The following EHD4 variants were observed in gnomAD, a reference collection of about 807,000 sequenced individuals.
EHD4 encodes the protein EH domain containing 4.
EHD4 carries 37 observed loss-of-function variants against 51.0 expected under a neutral mutation model. The observed-to-expected ratio is 0.73, with a 90% confidence interval of 0.56 to 0.95. EHD4 has a LOEUF of 0.95. Among genes scored for constraint, EHD4 ranks in the 40% least tolerant of loss-of-function variants. The pLI, the probability that EHD4 is intolerant of heterozygous loss-of-function variation, is 0.00. For missense variants in EHD4, 632 were observed against 733.1 expected, an observed-to-expected ratio of 0.86 and a Z score of 1.59; for synonymous variants, 297 against 317.3, an observed-to-expected ratio of 0.94 and a Z score of 0.68.
intron 2 of EHD4, among the ~76,000 whole-genome samples, chr15:41,949,051 T>TATATATATATATATACAC (rs1491135423): frequency 2.6e-4 from 28 of 109,418 alleles, no homozygotes; most frequent in African/African-American, 7.7e-4. Flanking sequence ...TATATATATA[T>TATATATATATATATACAC]ACACACATAC....
intron 2 of EHD4, among the ~76,000 whole-genome samples, chr15:41,945,393 C>T (rs879481724): frequency 7.2e-5 from 11 of 152,314 alleles, no homozygotes; most frequent in South Asian, 2.1e-4. Flanking sequence ...AGGCCAGGCA[C>T]GGGAGCCACA....
In EHD4 at chr15:41,900,652, G is replaced by A. The variant is rs2067469733; in HGVS notation, c.1619C>T (p.Ala540Val). 2 of 1,591,576 alleles carry A rather than the reference G, an allele frequency of 1.3e-6. No individual in the cohort carries two copies. The highest frequency in any genetic ancestry group is 1.3e-5 in the African/African-American group (1 of 74,776). ...PPSHRKSLPK[A>V]D is the part of the protein sequence containing the mutation. ...CGTTCTGCAGCCCACCCCTCAGTCGGCCTTGGGCAGGGACTTCCTGTGCGA... is the reference window on the plus strand; with the variant it reads ...CGTTCTGCAGCCCACCCCTCAGTCGACCTTGGGCAGGGACTTCCTGTGCGA... The change falls in exon 6 of 6, where the codon GCC becomes GTC. Residue 540 changes from alanine to valine, a missense_variant. Physicochemically the swap from Ala to Val is moderately conservative, Grantham distance 64. Transcript: ENST00000220325. This position sits in a 1 kb window ranked among gnomAD's most constrained non-coding sequence, Gnocchi z 4.8.
At chr15:41,905,152 G>A (rs1427773628) in intron 5 of EHD4, among the ~76,000 whole-genome samples, 1 of 152,220 alleles carries the variant, frequency 6.6e-6, no homozygotes, top group African/African-American at 2.4e-5. Flanking sequence ...GATGGGACAG[G>A]CCCTAACCCA....
chr15:41,914,436 A>G (rs1472194424), intron 4 of EHD4, among the ~76,000 whole-genome samples: 1 of 151,980 alleles, frequency 6.6e-6, no homozygotes, highest in Non-Finnish European at 1.5e-5. Context: ...AGAGTGTGAG[A>G]CTGTGAGAGG....
At chr15:41,954,126 T>G (rs193155238) in intron 1 of EHD4, among the ~76,000 whole-genome samples, 186 bp from the exon 2 acceptor site, 1 of 152,312 alleles carries the variant, frequency 6.6e-6, no homozygotes, top group Non-Finnish European at 1.5e-5. Context: ...AAGGGAAGTG[T>G]ACCGTGCTGG....
chr15:41,931,180 G>T lies in EHD4; in HGVS notation c.512-11558C>A, dbSNP rs937338102. Among the ~76,000 whole-genome samples, 19 of 152,250 alleles carry T rather than the reference G, an allele frequency of 1.2e-4. 2 individuals are homozygous for T. The highest frequency in any genetic ancestry group is 1.2e-3 in the Admixed American group (18 of 15,300). The stretch of plus-strand genomic sequence containing the variant: ...TTTTTTACATTGATAAAGAAAAATT[G>T]TATATATTTATCATGTCCAACATGT... On this transcript the variant is annotated intron_variant, in intron 3 of 5. Transcript: ENST00000220325.
At chr15:41,910,482 A>G (rs1465773811) in intron 4 of EHD4, among the ~76,000 whole-genome samples, 2 of 152,156 alleles carry the variant, frequency 1.3e-5, no homozygotes, top group East Asian at 3.9e-4. Context: ...CTGTCATTGG[A>G]GGGGCGAGAA....
At chr15:41,934,010 C>A (rs2067715238) in intron 3 of EHD4, among the ~76,000 whole-genome samples, 1 of 152,132 alleles carries the variant, frequency 6.6e-6, no homozygotes, top group African/African-American at 2.4e-5. Context: ...TGGTTAGTCA[C>A]AGAGCCTGCC....
Position 41,919,628 on chromosome 15 carries a change from T to G in EHD4, c.512-6A>C, listed in dbSNP as rs770284448. The stretch of plus-strand genomic sequence containing the variant: ...GACCTGGCAGAAGTCATAGCCTGGG[T>G]GGAGAGAAGGACACGTCAGTGTAGC... On this transcript the variant is annotated splice_region_variant and splice_polypyrimidine_tract_variant and intron_variant, in intron 3 of 5. Transcript: ENST00000220325. 6.6e-7 allele frequency: 1 copy of G among 1,508,968 alleles called. No homozygotes were observed. The highest frequency in any genetic ancestry group is 1.4e-5 in the South Asian group (1 of 72,906). The allele number at this position is 1,508,968 out of a possible 1,614,324, so 93.5% of individuals were successfully genotyped here.
intron 4 of EHD4, among the ~76,000 whole-genome samples, chr15:41,910,112 A>G (rs2140984712): frequency 7.0e-6 from 1 of 142,424 alleles, no homozygotes; most frequent in East Asian, 2.4e-4. Context: ...TGGTGTCTGT[A>G]GGGAGTGAGT....
rs1248947122 is a variant in EHD4, at chr15:41,917,443, T to C, written c.924+1767A>G. ...CTCCTTATTTATTTATATGACTGAA[T>C]ACAGCAGCATCTCCAGTCACTGGGT... On this transcript the variant is annotated intron_variant, in intron 4 of 5. Coordinates refer to ENST00000220325, the MANE Select transcript of EHD4 (RefSeq NM_139265.4). Among the ~76,000 whole-genome samples, 4 of 152,244 alleles carry C rather than the reference T, an allele frequency of 2.6e-5. No individual in the cohort carries two copies. In the South Asian group the frequency reaches 8.3e-4, roughly 32 times the overall value.
chr15:41,954,722 C>T (rs1467333513), intron 1 of EHD4, among the ~76,000 whole-genome samples: 1 of 152,138 alleles, frequency 6.6e-6, no homozygotes, highest in African/African-American at 2.4e-5. Flanking sequence ...ACTGCTGCCT[C>T]GACCTCCTGG....
intron 2 of EHD4, among the ~76,000 whole-genome samples, chr15:41,945,281 A>C (rs1388171593): frequency 6.6e-6 from 1 of 152,188 alleles, no homozygotes; most frequent in African/African-American, 2.4e-5. Context: ...CTAGATTCTC[A>C]GGTGAGGCTA....
At chr15:41,904,414 T>C (rs2140982137) in intron 5 of EHD4, among the ~76,000 whole-genome samples, 1 of 152,274 alleles carries the variant, frequency 6.6e-6, no homozygotes, top group African/African-American at 2.4e-5. Context: ...CATCATCATG[T>C]CACTCCTGAC....
At chr15:41,947,535 T>G (rs2067823735) in intron 2 of EHD4, among the ~76,000 whole-genome samples, 1 of 152,174 alleles carries the variant, frequency 6.6e-6, no homozygotes, top group African/African-American at 2.4e-5. Context: ...CCCACTTTAT[T>G]GATGAGGGTA....
At chr15:41,952,991 C>T (rs1189580216) in intron 2 of EHD4, among the ~76,000 whole-genome samples, 1 of 117,796 alleles carries the variant, frequency 8.5e-6, no homozygotes, top group African/African-American at 3.5e-5. Flanking sequence ...CTCTATCTTC[C>T]CCCCCGCAAA....
chr15:41,958,144 G>A (rs1216210471), intron 1 of EHD4, among the ~76,000 whole-genome samples: 2 of 151,990 alleles, frequency 1.3e-5, no homozygotes, highest in Admixed American at 1.3e-4. Flanking sequence ...AGACCACCGT[G>A]ATTCAGAGCT....
At position 41,960,670 on chromosome 15, in the gene EHD4, ATTTTTTTTTTT is replaced by A. The variant is rs577281838; in HGVS notation, c.237-6741_237-6731del. 3.1e-5 allele frequency among the ~76,000 whole-genome samples: 4 copies of A among 127,918 alleles called. 1 individual carries two copies. Among genetic ancestry groups the A allele is most frequent in the African/African-American group, 1.2e-4 (4 of 33,874 alleles). 83.9% of individuals were successfully genotyped at this position (127,918 alleles called of 152,430 possible). ...CTAAGTTAGGCTGATCTTCACTTAC[ATTTTTTTTTTT>A]TTTTTTTTTTGAGATGGAGTCTTGC... On this transcript the variant is annotated intron_variant, in intron 1 of 5. Coordinates refer to ENST00000220325, the MANE Select transcript of EHD4 (RefSeq NM_139265.4).
intron 1 of EHD4, among the ~76,000 whole-genome samples, chr15:41,957,274 T>C (rs2141006672): frequency 6.6e-6 from 1 of 152,206 alleles, no homozygotes; most frequent in Non-Finnish European, 1.5e-5. Flanking sequence ...GAAGCTGCAG[T>C]GAGCTGTGAC....
Sources: gnomAD v4.1 joint callset for allele counts (sites outside exome capture counted in the v4.1 genomes callset) on GRCh38, gnomAD v4.1.1 for gene constraint, Gnocchi (gnomAD v3.1) non-coding constraint, MANE v1.5 for transcripts, NCBI Gene and HGNC (gene_info 2026-07-23, HGNC 2026-07-21) for gene names.